LVRN: variants seen among roughly 807,000 people sequenced by gnomAD.
The protein encoded by LVRN is laeverin.
In LVRN, 99 loss-of-function variants were observed where a neutral mutation model predicts 111.4. That is an observed-to-expected ratio of 0.89 (90% confidence interval 0.76 to 1.05). The LOEUF is 1.05. Ranked by LOEUF, LVRN falls within the 50% of genes least tolerant of loss-of-function variation. The pLI is 0.00. For synonymous variants in LVRN, 488 were observed against 449.5 expected (o/e 1.09, Z -1.08); for missense variants, 1,414 against 1,206.8 (o/e 1.17, Z -2.54).
chr5:115,974,916 T>C (rs576299332), intron 1 of LVRN: 4 of 476,190 alleles, frequency 8.4e-6, no homozygotes, highest in African/African-American at 2.0e-5. Flanking sequence ...TCTACTGATA[T>C]ATTTCCAAGT....
intron 1 of LVRN, among the ~76,000 whole-genome samples, chr5:115,967,881 C>T (rs1266977830): frequency 6.6e-6 from 1 of 152,098 alleles, no homozygotes; most frequent in Non-Finnish European, 1.5e-5. Context: ...TTTTGGTTTT[C>T]TACATGTCTG....
chr5:115,982,305 A>G, intron 1 of LVRN, among the ~76,000 whole-genome samples: 1 of 152,164 alleles, frequency 6.6e-6, no homozygotes, highest in East Asian at 1.9e-4. Flanking sequence ...CACAAGGGTA[A>G]GTAATGGATG....
chr5:116,002,245 T>C (rs4921051), intron 10 of LVRN, among the ~76,000 whole-genome samples: 1 of 152,190 alleles, frequency 6.6e-6, no homozygotes, highest in Non-Finnish European at 1.5e-5. Context: ...ATTGGAAATA[T>C]TGCCCAAACT....
chr5:116,026,265 A>G lies in LVRN; in HGVS notation c.*147A>G, dbSNP rs542279850. On this transcript the variant is annotated 3_prime_UTR_variant, in exon 20 of 20. Coordinates refer to ENST00000357872, the MANE Select transcript of LVRN (RefSeq NM_173800.5). ...TTACTCAGAGTGCCATTCTTCTCAT[A>G]TTGTCATGTTTGGCCCTGAGGGTGG... is the stretch of plus-strand genomic sequence containing the variant. The G allele has an allele frequency of 1.4e-5, 18 of 1,252,934 alleles. No homozygotes were observed. In the Admixed American group the frequency reaches 4.6e-4, roughly 32 times the overall value. The allele number at this position is 1,252,934 out of a possible 1,614,324, so 77.6% of individuals were successfully genotyped here.
chr5:116,004,341 G>C (rs1053500844), intron 12 of LVRN, among the ~76,000 whole-genome samples: 1 of 152,194 alleles, frequency 6.6e-6, no homozygotes, highest in African/African-American at 2.4e-5. Flanking sequence ...CTGGACGCCA[G>C]CTTAGGAGTC....
At chr5:115,980,650 C>G (rs1464051308) in intron 1 of LVRN, among the ~76,000 whole-genome samples, 3 of 152,094 alleles carry the variant, frequency 2.0e-5, no homozygotes, top group Middle Eastern at 3.2e-3. Flanking sequence ...ACCTTGCAGT[C>G]TCTTTGAGAT....
intron 6 of LVRN, chr5:115,995,296 C>T (rs574333840): frequency 6.6e-6 from 1 of 152,130 alleles, no homozygotes; most frequent in African/African-American, 2.4e-5. Context: ...GCCACAGAAA[C>T]CTTTTAAAAA....
At chr5:115,980,658 G>A (rs377276023) in intron 1 of LVRN, among the ~76,000 whole-genome samples, 1 of 152,078 alleles carries the variant, frequency 6.6e-6, no homozygotes, top group Non-Finnish European at 1.5e-5. Context: ...GTCTCTTTGA[G>A]ATTCATAAGC....
rs868620487 is a variant in LVRN at position 116,015,549 on chromosome 5, G to A, written c.2619-79G>A. On this transcript the variant is annotated intron_variant, in intron 17 of 19. Transcript: ENST00000357872. The stretch of plus-strand genomic sequence containing the variant: ...TGTGCTTCACTACCTTAGAACCATG[G>A]GATTTTGATTTTGTTTATTTAAATT... 75 of 1,514,838 alleles carry A rather than the reference G, an allele frequency of 5.0e-5. 2 individuals are homozygous for A. In the South Asian group the frequency reaches 1.0e-3, roughly 21 times the overall value. 93.8% of individuals were successfully genotyped at this position (1,514,838 alleles called of 1,614,324 possible). A position where few individuals can be genotyped will look rare whatever the true frequency, so the allele number is the denominator to read the frequency against.
chr5:115,966,339 A>G (rs1235425761), intron 1 of LVRN, among the ~76,000 whole-genome samples: 1 of 152,246 alleles, frequency 6.6e-6, no homozygotes, highest in East Asian at 1.9e-4. Context: ...CTGACTCAGC[A>G]TAATGCCCTT....
intron 12 of LVRN, among the ~76,000 whole-genome samples, chr5:116,003,662 A>G (rs930395495): frequency 1.3e-5 from 2 of 151,094 alleles, no homozygotes; most frequent in African/African-American, 4.9e-5. Context: ...GCTCACTGCA[A>G]GCTCCGCCTC....
rs750285497 is a variant in LVRN at position 116,005,826 on chromosome 5, G to A, written c.2038-86G>A. The A allele has an allele frequency of 5.3e-6, 6 of 1,127,836 alleles. No individual in the cohort carries two copies. The East Asian group carries it at 1.4e-4, about 27-fold the overall frequency. 69.9% of individuals were successfully genotyped at this position (1,127,836 alleles called of 1,614,324 possible). A position where few individuals can be genotyped will look rare whatever the true frequency, so the allele number is the denominator to read the frequency against. ...ACGTGAAGGTGCTTTATAGGCAGCAGTAATCTTTAAATTGTTGTTATTTTG... is the reference window on the plus strand; with the variant it reads ...ACGTGAAGGTGCTTTATAGGCAGCAATAATCTTTAAATTGTTGTTATTTTG... On this transcript the variant is annotated intron_variant, in intron 12 of 19. Transcript: ENST00000357872.
intron 1 of LVRN, among the ~76,000 whole-genome samples, chr5:115,980,606 T>C (rs1160173477): frequency 6.6e-6 from 1 of 152,100 alleles, no homozygotes; most frequent in East Asian, 1.9e-4. Flanking sequence ...AGTTTCCCAC[T>C]TCCTTAAGGA....
chr5:115,993,841 CT>C lies in LVRN; in HGVS notation c.1362del (p.Lys455AsnfsTer24). On this transcript the variant is annotated frameshift_variant, in exon 6 of 20. Coordinates refer to ENST00000357872, the MANE Select transcript of LVRN (RefSeq NM_173800.5). LOFTEE classifies it high-confidence loss of function. ...TTTGAAGTAATTAACTACTTTAATC[CT>C]AAACTCCCAAGAGTAAGTATGTTTA... Reference protein sequence around the residue: ...FEFEVINYFNPKLPRNEIFFS... With the variant: ...FEFEVINYFNXKLPRNEIFFS... The C allele has an allele frequency of 6.3e-7, 1 of 1,589,696 alleles. No homozygotes were observed. The highest frequency in any genetic ancestry group is 8.6e-7 in the Non-Finnish European group (1 of 1,164,098).
chr5:116,001,173 C>G lies in LVRN; in HGVS notation c.1754C>G (p.Thr585Ser), dbSNP rs1420921044. 3 of 1,614,040 alleles carry G rather than the reference C, an allele frequency of 1.9e-6. No homozygotes were observed. ...CCAGTGATCACTTTAAATGTGTCTACTGGCGTCATGAAACAGGAGCCATTT... is the reference window on the plus strand; with the variant it reads ...CCAGTGATCACTTTAAATGTGTCTAGTGGCGTCATGAAACAGGAGCCATTT... ...GFPVITLNVS[T>S]GVMKQEPFYL... Residue 585 changes from threonine (T) to serine (S), a missense_variant, in exon 10 of 20, where the codon ACT (threonine) becomes AGT (serine). Coordinates refer to ENST00000357872, the MANE Select transcript of LVRN (RefSeq NM_173800.5).
intron 7 of LVRN, 21 bp downstream of exon 7, chr5:115,999,923 C>T: frequency 6.3e-7 from 1 of 1,598,456 alleles, no homozygotes. Context: ...TTAGAAATTT[C>T]CTTTGGTTTT....
rs1748574647 is a variant in LVRN, at chr5:116,015,242, T to C, written c.2451-10T>C. 1.9e-6 allele frequency: 3 copies of C among 1,555,426 alleles called. No homozygotes were observed. The highest frequency in any genetic ancestry group is 1.8e-4 in the Middle Eastern group (1 of 5,604). ...CTATGAAAAATATCATTTTATGTTA[T>C]ATTTTACAGAATACCTTATCCAATT... On this transcript the variant is annotated splice_polypyrimidine_tract_variant and intron_variant, in intron 16 of 19. Coordinates refer to ENST00000357872, the MANE Select transcript of LVRN (RefSeq NM_173800.5).
intron 19 of LVRN, among the ~76,000 whole-genome samples, chr5:116,025,338 G>A (rs77008216): frequency 0.048 from 7,305 of 152,174 alleles, 356 homozygotes; most frequent in Admixed American, 0.16. Flanking sequence ...ATAAGCGTTC[G>A]GAGTTCTAAT....
At chr5:116,008,444 T>C (rs567950497) in intron 13 of LVRN, among the ~76,000 whole-genome samples, 168 of 152,312 alleles carry the variant, frequency 1.1e-3, no homozygotes, top group African/African-American at 3.8e-3. Flanking sequence ...TCTTTCACTT[T>C]AAATCAAAAG....
Sources: allele counts gnomAD v4.1 joint callset (sites outside exome capture counted in the v4.1 genomes callset), GRCh38; gene constraint gnomAD v4.1.1; transcripts MANE v1.5; gene names NCBI Gene and HGNC (gene_info 2026-07-23, HGNC 2026-07-21).